Variants in C8G observed in about 807,000 individuals in gnomAD.
C8G encodes complement component C8 gamma chain.
Under a neutral mutation model 29.1 loss-of-function variants are expected in C8G, and 38 were observed. The observed-to-expected ratio is 1.31, with a 90% CI of 1.01 to 1.71. The LOEUF (loss-of-function observed/expected upper bound fraction) is 1.71, where lower values mean the gene tolerates loss of function less well. C8G is among the 40% of genes most tolerant of loss of function. The pLI is 0.00. For missense variants in C8G, 300 were observed against 267.4 expected, an observed-to-expected ratio of 1.12 and a Z score of -0.85; for synonymous variants, 158 against 113.2, an observed-to-expected ratio of 1.40 and a Z score of -2.51.
rs368937808 is a variant in C8G, at chr9:136,945,286, G to C, written c.-35G>C. On this transcript the variant is annotated 5_prime_UTR_variant, in exon 1 of 7. Coordinates refer to ENST00000371634, the MANE Select transcript of C8G (RefSeq NM_000606.3). The stretch of plus-strand genomic sequence containing the variant: ...CTGGGACTTGGTGGTGCTACCCTTG[G>C]CCTCCCACAGTCCTGCCACCCTGCT... 3 of 1,565,494 alleles carry C rather than the reference G, an allele frequency of 1.9e-6. No individual in the cohort carries two copies. The highest frequency in any genetic ancestry group is 2.7e-5 in the African/African-American group (2 of 73,814).
In C8G at chr9:136,946,536, G is replaced by A. The variant is rs373343707; in HGVS notation, c.526G>A (p.Glu176Lys). 4.3e-6 allele frequency: 7 copies of A among 1,612,914 alleles called. No homozygotes were observed. In the African/African-American group the frequency reaches 8.0e-5, roughly 18 times the overall value. Residue 176 changes from glutamate (E) to lysine (K), a missense_variant, in exon 5 of 7, where the codon GAG (glutamate) becomes AAG (lysine). Glu to Lys is a moderately conservative substitution (Grantham distance 56). Transcript: ENST00000371634. ...GCGGGTCCAGGAGGCCCACCTGACT[G>A]AGGACCAGATCTTCTACTTCCCCAA... ...EQRVQEAHLT[E>K]DQIFYFPKYG...
In C8G at chr9:136,945,469, G is replaced by A. The variant is rs201239659; in HGVS notation, c.138+11G>A. On this transcript the variant is annotated intron_variant, in intron 1 of 6. Coordinates refer to ENST00000371634, the MANE Select transcript of C8G (RefSeq NM_000606.3). ...TTTGATGCTCAGCAGGTAGAAGTTGGGGGGGGTAGAGGGAGGCAGGTAGAA... is the reference window on the plus strand; with the variant it reads ...TTTGATGCTCAGCAGGTAGAAGTTGAGGGGGGTAGAGGGAGGCAGGTAGAA... 1.0e-4 allele frequency: 159 copies of A among 1,563,372 alleles called. No individual in the cohort carries two copies. The highest frequency in any genetic ancestry group is 3.4e-4 in the Admixed American group (18 of 52,270).
chr9:136,945,896 C>T (rs1429410462), intron 2 of C8G, 33 bp from the exon 3 acceptor site: 11 of 1,550,070 alleles, frequency 7.1e-6, no homozygotes, highest in Non-Finnish European at 8.7e-6. Flanking sequence ...TTGGGGTCTC[C>T]CAGCCTGTGG....
At chr9:136,945,839 C>G (rs1244989513) in intron 2 of C8G, 69 bp downstream of exon 2, 2 of 1,541,844 alleles carry the variant, frequency 1.3e-6, no homozygotes, top group Non-Finnish European at 1.8e-6. Flanking sequence ...CAGCCCTGCT[C>G]TGGCCCCTGA....
Position 136,946,052 on chromosome 9 carries a change from C to T in C8G, c.347-33C>T, listed in dbSNP as rs201840083. The T allele has an allele frequency of 3.1e-3, 5,026 of 1,604,156 alleles. 8 individuals carry two copies. The highest frequency in any genetic ancestry group is 4.0e-3 in the Non-Finnish European group (4,653 of 1,174,840). On this transcript the variant is annotated intron_variant, in intron 3 of 6. Transcript: ENST00000371634. The stretch of plus-strand genomic sequence containing the variant: ...GTGGGGGATGACGCAGCCACTGTGG[C>T]TCTCTGACATGGCTACTGTGGCTCT...
chr9:136,946,315 G>C lies in C8G; in HGVS notation c.454+123G>C, dbSNP rs1851037822. 3.6e-6 allele frequency: 5 copies of C among 1,379,406 alleles called. No individual in the cohort carries two copies. In the African/African-American group the frequency reaches 5.9e-5, roughly 16 times the overall value. 85.4% of individuals were successfully genotyped at this position (1,379,406 alleles called of 1,614,324 possible). ...TCCTTTCTCCCATCCTGATCCTCCTGCTAAGCAGGGGCCCAGGGAGTAGTG... is the reference window on the plus strand; with the variant it reads ...TCCTTTCTCCCATCCTGATCCTCCTCCTAAGCAGGGGCCCAGGGAGTAGTG... On this transcript the variant is annotated intron_variant, in intron 4 of 6. Coordinates refer to ENST00000371634, the MANE Select transcript of C8G (RefSeq NM_000606.3).
At chr9:136,945,561 T>G (rs546061577) in intron 1 of C8G, 73 bp from the exon 2 acceptor site, 25 of 1,554,082 alleles carry the variant, frequency 1.6e-5, no homozygotes, top group Middle Eastern at 1.7e-4. Context: ...GGTGAAGTTG[T>G]GGGGGGTGTA....
chr9:136,946,876 C>T lies in C8G; in HGVS notation c.*95C>T. ...TGCCTGTCCTCCGTGAAACCAGCCT[C>T]AGATCAGGGCCCTGCCACCCAGGGC... On this transcript the variant is annotated 3_prime_UTR_variant, in exon 7 of 7. Transcript: ENST00000371634. 2.1e-6 allele frequency: 3 copies of T among 1,462,366 alleles called. No individual in the cohort carries two copies. The highest frequency in any genetic ancestry group is 2.8e-6 in the Non-Finnish European group (3 of 1,080,268). 90.6% of individuals were successfully genotyped at this position (1,462,366 alleles called of 1,614,324 possible).
In C8G at chr9:136,946,018, G is replaced by C. The variant is rs1244695490; in HGVS notation, c.346+19G>C. 3.1e-6 allele frequency: 5 copies of C among 1,593,532 alleles called. No individual in the cohort carries two copies. Among genetic ancestry groups the C allele is most frequent in the Admixed American group, 1.8e-5 (1 of 56,764 alleles). On this transcript the variant is annotated intron_variant, in intron 3 of 6. Transcript: ENST00000371634. ...CTTCAAGGTGAGGCAGGGGCTGCAG[G>C]GCATGTGGGTGGGGGATGACGCAGC...
At position 136,946,560 on chromosome 9, in the gene C8G, A is replaced by C; in HGVS notation, c.550A>C (p.Lys184Gln). Residue 184 changes from lysine (K) to glutamine (Q), a missense_variant, in exon 5 of 7, where the codon AAG becomes CAG. Coordinates refer to ENST00000371634, the MANE Select transcript of C8G (RefSeq NM_000606.3). ...LTEDQIFYFP[K>Q]YGFCEAADQF... Reference sequence around the variant, plus strand: ...TGAGGACCAGATCTTCTACTTCCCCAAGTACGGTGAGTGTCCCCAGCAGGT... The same window carrying C: ...TGAGGACCAGATCTTCTACTTCCCCCAGTACGGTGAGTGTCCCCAGCAGGT... 6.2e-7 allele frequency: 1 copy of C among 1,612,750 alleles called. No homozygotes were observed. Among genetic ancestry groups the C allele is most frequent in the African/African-American group, 1.3e-5 (1 of 74,966 alleles).
rs370414935 is a variant in C8G at position 136,946,703 on chromosome 9, G to A, written c.595+14G>A. ...ACGTCCTGGACGGTGAGTGCACAGC[G>A]GGGCAAGCATGGCGGCGTGGTGAGG... On this transcript the variant is annotated intron_variant, in intron 6 of 6. Transcript: ENST00000371634. The A allele has an allele frequency of 3.9e-5, 63 of 1,611,604 alleles. No homozygotes were observed. The highest frequency in any genetic ancestry group is 4.8e-5 in the Non-Finnish European group (57 of 1,179,968).
In C8G at chr9:136,945,918, C is replaced by CA. The variant is rs777944389; in HGVS notation, c.276-11_276-10insA. On this transcript the variant is annotated splice_polypyrimidine_tract_variant and intron_variant, in intron 2 of 6. Transcript: ENST00000371634. ...CTCCCAGCCTGTGGTGCCTCCTCCC[C>CA]GCCCCCCCAGGGATGGGATCTGCTG... The CA allele has an allele frequency of 2.2e-5, 34 of 1,555,154 alleles. No homozygotes were observed. The South Asian group carries it at 3.8e-4, about 17-fold the overall frequency.
In C8G at chr9:136,945,783, G is replaced by A. The variant is rs550990513; in HGVS notation, c.275+13G>A. 73 of 1,547,326 alleles carry A rather than the reference G, an allele frequency of 4.7e-5. No individual in the cohort carries two copies. The Admixed American group carries it at 1.3e-3, about 27-fold the overall frequency. ...CCTTCCGAAAGCTGTGAGTCCCAGA[G>A]CAGCCCTGCACCCTAACCCCAACCC... On this transcript the variant is annotated intron_variant, in intron 2 of 6. Transcript: ENST00000371634.
chr9:136,945,944 G>A lies in C8G; in HGVS notation c.291G>A (p.Trp97Ter). The A allele has an allele frequency of 6.4e-7, 1 of 1,565,234 alleles. No homozygotes were observed. Among genetic ancestry groups the A allele is most frequent in the Non-Finnish European group, 8.7e-7 (1 of 1,155,234 alleles). ...STFRKLDGIC[W>*]QVRQLYGDTG... ...GCCCCCCCAGGGATGGGATCTGCTG[G>A]CAGGTGCGCCAGCTCTATGGAGACA... Residue 97 changes from tryptophan (W) to a stop codon, truncating the protein, a stop_gained, in exon 3 of 7, where the codon TGG becomes TGA. Coordinates refer to ENST00000371634, the MANE Select transcript of C8G (RefSeq NM_000606.3). LOFTEE classifies it high-confidence loss of function.
chr9:136,946,006 C>G lies in C8G; in HGVS notation c.346+7C>G, dbSNP rs1420290643. Reference sequence around the variant, plus strand: ...GGCCGCTTCCTGCTTCAAGGTGAGGCAGGGGCTGCAGGGCATGTGGGTGGG... The same window carrying G: ...GGCCGCTTCCTGCTTCAAGGTGAGGGAGGGGCTGCAGGGCATGTGGGTGGG... On this transcript the variant is annotated splice_region_variant and intron_variant, in intron 3 of 6. Coordinates refer to ENST00000371634, the MANE Select transcript of C8G (RefSeq NM_000606.3). The G allele has an allele frequency of 6.3e-7, 1 of 1,587,966 alleles. No individual in the cohort carries two copies. The highest frequency in any genetic ancestry group is 8.6e-7 in the Non-Finnish European group (1 of 1,167,170).
chr9:136,945,927 A>G lies in C8G; in HGVS notation c.276-2A>G, dbSNP rs371471016. The G allele has an allele frequency of 2.6e-5, 40 of 1,558,642 alleles. No individual in the cohort carries two copies. The African/African-American group carries it at 4.6e-4, about 18-fold the overall frequency. On this transcript the variant is annotated splice_acceptor_variant, in intron 2 of 6. Coordinates refer to ENST00000371634, the MANE Select transcript of C8G (RefSeq NM_000606.3). LOFTEE classifies it high-confidence loss of function. The stretch of plus-strand genomic sequence containing the variant: ...TGTGGTGCCTCCTCCCCGCCCCCCC[A>G]GGGATGGGATCTGCTGGCAGGTGCG...
chr9:136,945,353 T>A lies in C8G; in HGVS notation c.33T>A (p.Thr11=). The change falls in exon 1 of 7, where the codon ACT becomes ACA. Residue 11 remains threonine (T), a synonymous_variant. Transcript: ENST00000371634. The stretch of plus-strand genomic sequence containing the variant: ...CCCCTGGGACTGCGACCCTCTTGAC[T>A]CTGCTCCTGGCAGCTGGCTCGCTGG... The part of the protein sequence containing the change: MLPPGTATLL[T]LLLAAGSLGQ... The A allele has an allele frequency of 6.2e-7, 1 of 1,612,972 alleles. No individual in the cohort carries two copies. Among genetic ancestry groups the A allele is most frequent in the Non-Finnish European group, 8.5e-7 (1 of 1,179,886 alleles).
chr9:136,945,925 C>T lies in C8G; in HGVS notation c.276-4C>T, dbSNP rs745366587. The T allele has an allele frequency of 6.4e-7, 1 of 1,559,378 alleles. No homozygotes were observed. The highest frequency in any genetic ancestry group is 1.4e-5 in the African/African-American group (1 of 73,668). ...CCTGTGGTGCCTCCTCCCCGCCCCCCCAGGGATGGGATCTGCTGGCAGGTG... is the reference window on the plus strand; with the variant it reads ...CCTGTGGTGCCTCCTCCCCGCCCCCTCAGGGATGGGATCTGCTGGCAGGTG... On this transcript the variant is annotated splice_polypyrimidine_tract_variant and splice_region_variant and intron_variant, in intron 2 of 6. Coordinates refer to ENST00000371634, the MANE Select transcript of C8G (RefSeq NM_000606.3).
At chr9:136,945,908 G>A (rs754075782) in intron 2 of C8G, 21 bp from the exon 3 acceptor site, 3 of 1,552,362 alleles carry the variant, frequency 1.9e-6, no homozygotes, top group Non-Finnish European at 2.6e-6. Context: ...AGCCTGTGGT[G>A]CCTCCTCCCC....
Sources: allele counts gnomAD v4.1 joint callset, GRCh38; gene constraint gnomAD v4.1.1; transcripts MANE v1.5; gene names NCBI Gene and HGNC (gene_info 2026-07-23, HGNC 2026-07-21).